FBXL17: variants seen among roughly 807,000 people sequenced by gnomAD.
FBXL17 encodes the protein F-box/LRR-repeat protein 17.
FBXL17 carries 22 observed loss-of-function variants against 66.2 expected under a neutral mutation model. That is an observed-to-expected ratio of 0.33 (90% CI 0.24 to 0.47). FBXL17 has a LOEUF of 0.47. Ranked by LOEUF, FBXL17 falls within the 20% of genes least tolerant of loss-of-function variation. The pLI is 1.00. For missense variants in FBXL17, 878 were observed against 948.2 expected, an observed-to-expected ratio of 0.93 and a Z score of 0.97; for synonymous variants, 474 against 400.5, an observed-to-expected ratio of 1.18 and a Z score of -2.19.
At chr5:108,039,482 A>G (rs200770485) in intron 6 of FBXL17, among the ~76,000 whole-genome samples, 1 of 152,100 alleles carries the variant, frequency 6.6e-6, no homozygotes, top group Non-Finnish European at 1.5e-5. Context: ...AAAAGAATTG[A>G]TAAGTGTTTA....
chr5:108,101,785 G>T lies in FBXL17; in HGVS notation c.1746-80784C>A, dbSNP rs192095654. Among the ~76,000 whole-genome samples the T allele has an allele frequency of 3.4e-3, 515 of 152,290 alleles. 1 individual carries two copies. The highest frequency in any genetic ancestry group is 5.5e-3 in the Non-Finnish European group (375 of 68,030). ...TAATTACCACCTACACTAATCTGTG[G>T]CTTTTATTTTAACTAACAAAAATGT... On this transcript the variant is annotated intron_variant, in intron 6 of 8. Coordinates refer to ENST00000542267, the MANE Select transcript of FBXL17 (RefSeq NM_001163315.3).
intron 3 of FBXL17, among the ~76,000 whole-genome samples, chr5:108,355,938 T>C (rs1334949999): frequency 6.6e-6 from 1 of 152,124 alleles, no homozygotes; most frequent in Non-Finnish European, 1.5e-5. Context: ...AAAAGACAGA[T>C]TGTCAAAATG....
chr5:108,108,470 G>C (rs531802458), intron 6 of FBXL17, among the ~76,000 whole-genome samples: 1 of 152,066 alleles, frequency 6.6e-6, no homozygotes, highest in Admixed American at 6.6e-5. Flanking sequence ...GGCACTTAGG[G>C]GTGCATATCT....
intron 7 of FBXL17, among the ~76,000 whole-genome samples, chr5:107,969,945 A>T (rs1283976461): frequency 1.3e-5 from 2 of 152,212 alleles, no homozygotes; most frequent in Non-Finnish European, 2.9e-5. Context: ...TAATTTTAAA[A>T]TGATGCATTT....
At chr5:108,277,071 C>T (rs551114900) in intron 4 of FBXL17, among the ~76,000 whole-genome samples, 3 of 152,034 alleles carry the variant, frequency 2.0e-5, no homozygotes, top group Non-Finnish European at 4.4e-5. Context: ...AAAATAAATG[C>T]CATTCTATCA....
chr5:108,097,076 G>C (rs180872485), intron 6 of FBXL17, among the ~76,000 whole-genome samples: 218 of 152,278 alleles, frequency 1.4e-3, no homozygotes, highest in Middle Eastern at 0.014. Flanking sequence ...CCTGGTGGGA[G>C]GTGAATGGAT....
At chr5:108,060,533 T>C (rs1747879362) in intron 6 of FBXL17, among the ~76,000 whole-genome samples, 2 of 152,192 alleles carry the variant, frequency 1.3e-5, no homozygotes, top group South Asian at 4.1e-4. Context: ...TAGTACTCTA[T>C]GTAGCCACTA....
At chr5:107,931,960 G>A (rs910186284) in intron 7 of FBXL17, among the ~76,000 whole-genome samples, 3 of 152,120 alleles carry the variant, frequency 2.0e-5, no homozygotes, top group Non-Finnish European at 2.9e-5. Flanking sequence ...TATATAATAA[G>A]ATGGCTTATT....
chr5:108,152,123 C>T (rs1379149733), intron 6 of FBXL17, among the ~76,000 whole-genome samples: 4 of 152,178 alleles, frequency 2.6e-5, no homozygotes, highest in Admixed American at 2.0e-4. Context: ...CAACTCCATG[C>T]ACTCTCTCAA....
At position 108,050,594 on chromosome 5, in the gene FBXL17, G is replaced by C. The variant is rs936386619; in HGVS notation, c.1746-29593C>G. Among the ~76,000 whole-genome samples the C allele has an allele frequency of 1.6e-4, 24 of 152,198 alleles. No homozygotes were observed. In the South Asian group the frequency reaches 4.8e-3, roughly 30 times the overall value. On this transcript the variant is annotated intron_variant, in intron 6 of 8. Transcript: ENST00000542267. ...TTTATAGCACTAAACGCCCACATCA[G>C]AAAGCTAGAAAGATCTCAAATAGAC... is the stretch of plus-strand genomic sequence containing the variant.
chr5:108,207,397 G>C (rs1754168198), intron 5 of FBXL17, among the ~76,000 whole-genome samples: 1 of 151,828 alleles, frequency 6.6e-6, no homozygotes, highest in East Asian at 1.9e-4. Flanking sequence ...TGTTACATAG[G>C]TATACACATA....
chr5:107,897,909 A>AAAG (rs1554082453), intron 7 of FBXL17, among the ~76,000 whole-genome samples: 1 of 150,942 alleles, frequency 6.6e-6, no homozygotes, highest in Non-Finnish European at 1.5e-5. Context: ...GATATGATAA[A>AAAG]AAAGAAAGAA....
chr5:108,227,528 A>G (rs1580652556), intron 4 of FBXL17, among the ~76,000 whole-genome samples: 1 of 152,208 alleles, frequency 6.6e-6, no homozygotes, highest in Non-Finnish European at 1.5e-5. Context: ...TTAGTTTTTC[A>G]AACAATAGCA....
intron 8 of FBXL17, among the ~76,000 whole-genome samples, chr5:107,869,471 T>A (rs977649440): frequency 6.6e-6 from 1 of 152,136 alleles, no homozygotes; most frequent in Non-Finnish European, 1.5e-5. Context: ...CAAATTTGCA[T>A]GTAAATGAGG....
At chr5:108,296,702 A>G (rs1026379096) in intron 4 of FBXL17, among the ~76,000 whole-genome samples, 1 of 151,640 alleles carries the variant, frequency 6.6e-6, no homozygotes, top group African/African-American at 2.4e-5. Context: ...TTTCATATTT[A>G]TTTTTTTGCT....
At chr5:108,351,646 T>C (rs1050637003) in intron 3 of FBXL17, among the ~76,000 whole-genome samples, 5 of 152,314 alleles carry the variant, frequency 3.3e-5, no homozygotes, top group Middle Eastern at 3.4e-3. Context: ...TAAGCAACCT[T>C]CTCCACCTTA....
intron 6 of FBXL17, among the ~76,000 whole-genome samples, chr5:108,096,923 G>T (rs556516485): frequency 6.6e-6 from 1 of 152,214 alleles, no homozygotes; most frequent in Non-Finnish European, 1.5e-5. Flanking sequence ...TGGTACACAT[G>T]TAAAGGCACA....
intron 7 of FBXL17, among the ~76,000 whole-genome samples, chr5:107,904,364 C>T (rs1205226204): frequency 1.3e-5 from 2 of 152,146 alleles, no homozygotes; most frequent in Non-Finnish European, 2.9e-5. Flanking sequence ...CTTTCAGCAT[C>T]TCCAACCCCA....
chr5:107,971,423 A>G (rs545354070), intron 7 of FBXL17, among the ~76,000 whole-genome samples: 47 of 152,288 alleles, frequency 3.1e-4, no homozygotes, highest in Non-Finnish European at 3.8e-4. Context: ...ATTGTAGTAT[A>G]TATGTAGTTC....
Sources: gnomAD v4.1 joint callset for allele counts (sites outside exome capture counted in the v4.1 genomes callset) on GRCh38, gnomAD v4.1.1 for gene constraint, MANE v1.5 for transcripts, NCBI Gene and HGNC (gene_info 2026-07-23, HGNC 2026-07-21) for gene names.